COL5A2: variants seen among roughly 807,000 people sequenced by gnomAD.
The protein encoded by COL5A2 is collagen type V alpha 2 chain, also known as collagen alpha-2(V) chain.
A neutral mutation model predicts 208.2 loss-of-function variants in COL5A2; 23 were observed. The ratio of observed to expected loss-of-function variants is 0.11; its 90% confidence interval spans 0.08 to 0.16. COL5A2 has a LOEUF of 0.16. Among genes scored for constraint, COL5A2 ranks in the 10% least tolerant of loss-of-function variants. The pLI is 1.00. For missense variants in COL5A2, 1,590 were observed against 1,956.4 expected, an observed-to-expected ratio of 0.81 and a Z score of 3.53; for synonymous variants, 625 against 628.5, an observed-to-expected ratio of 0.99 and a Z score of 0.08.
the COL5A2 span, among the ~76,000 whole-genome samples, chr2:189,263,302 A>G: frequency 2.0e-5 from 3 of 152,166 alleles, no homozygotes; most frequent in Non-Finnish European, 4.4e-5. Context: ...TATTGGATGT[A>G]AGGTGGGACA....
chr2:189,044,871 T>C (rs1685630654), intron 47 of COL5A2, among the ~76,000 whole-genome samples: 1 of 152,198 alleles, frequency 6.6e-6, no homozygotes, highest in Admixed American at 6.5e-5. Context: ...TTTTCCTATG[T>C]AGTTTTTAGA....
At chr2:189,431,378 A>G in the COL5A2 span, among the ~76,000 whole-genome samples, 1 of 152,204 alleles carries the variant, frequency 6.6e-6, no homozygotes, top group African/African-American at 2.4e-5. Flanking sequence ...TCAGGAGGTC[A>G]GTAATAACAC....
At chr2:189,213,172 G>A (rs983216672) in intron 1 of COL5A2, among the ~76,000 whole-genome samples, 1 of 152,024 alleles carries the variant, frequency 6.6e-6, no homozygotes, top group African/African-American at 2.4e-5. Flanking sequence ...TTACAGGCAT[G>A]AGTCACCACG....
the COL5A2 span, among the ~76,000 whole-genome samples, chr2:189,291,618 C>T: frequency 6.6e-6 from 1 of 151,974 alleles, no homozygotes; most frequent in Non-Finnish European, 1.5e-5. Context: ...GGCAGAAGTA[C>T]TTCAGACATA....
At chr2:189,034,308 A>G in intron 53 of COL5A2, 92 bp from the exon 54 acceptor site, 1 of 1,379,310 alleles carries the variant, frequency 7.3e-7, no homozygotes, top group Non-Finnish European at 1.0e-6. Context: ...TATAATGTAA[A>G]GGCAATGATT....
chr2:189,399,219 A>G, the COL5A2 span, among the ~76,000 whole-genome samples: 1 of 149,516 alleles, frequency 6.7e-6, no homozygotes, highest in African/African-American at 2.4e-5. Context: ...AAATTCTTTC[A>G]GTCTTTGTTT....
rs1686086865 is a variant in COL5A2, at chr2:189,063,865, T to G, written c.1770+115A>C. The G allele has an allele frequency of 6.1e-6, 5 of 823,106 alleles. No homozygotes were observed. In the Admixed American group the frequency reaches 8.9e-5, roughly 15 times the overall value. 51.0% of individuals were successfully genotyped at this position (823,106 alleles called of 1,614,324 possible). A position where few individuals can be genotyped will look rare whatever the true frequency, so the allele number is the denominator to read the frequency against. ...ATGCTTCCAGAAGTTGGTACAAATA[T>G]GTCAATATGACCAGCATCCATATAA... On this transcript the variant is annotated intron_variant, in intron 26 of 53. Coordinates refer to ENST00000374866, the MANE Select transcript of COL5A2 (RefSeq NM_000393.5).
the COL5A2 span, among the ~76,000 whole-genome samples, chr2:189,402,311 T>C: frequency 1.3e-5 from 2 of 151,230 alleles, no homozygotes; most frequent in Admixed American, 6.6e-5. Context: ...TCCGACTCCC[T>C]GGTTCAAGTG....
chr2:189,425,641 C>T, the COL5A2 span, among the ~76,000 whole-genome samples: 2 of 152,172 alleles, frequency 1.3e-5, no homozygotes, highest in Non-Finnish European at 2.9e-5. Context: ...TCTGTCCCCA[C>T]CCCAATCTTA....
chr2:189,252,509 G>A, the COL5A2 span, among the ~76,000 whole-genome samples: 1 of 151,904 alleles, frequency 6.6e-6, no homozygotes, highest in Non-Finnish European at 1.5e-5. Context: ...ACTATCGCAA[G>A]GACAAAAAAA....
the COL5A2 span, among the ~76,000 whole-genome samples, chr2:189,417,398 A>C: frequency 6.6e-6 from 1 of 151,454 alleles, no homozygotes; most frequent in African/African-American, 2.4e-5. Flanking sequence ...AGTGACTGTG[A>C]CATGTTTTGA....
chr2:189,049,468 A>G lies in COL5A2; in HGVS notation c.3040-14T>C, dbSNP rs1685737852. The G allele has an allele frequency of 1.9e-6, 3 of 1,594,294 alleles. No homozygotes were observed. The highest frequency in any genetic ancestry group is 1.7e-5 in the Admixed American group (1 of 59,598). On this transcript the variant is annotated splice_polypyrimidine_tract_variant and intron_variant, in intron 43 of 53. Transcript: ENST00000374866. ...TCCTGGTGTTCCCTGAAATAGAAGTATAAATGTCAAACACTTGTGAAGAAA... is the reference window on the plus strand; with the variant it reads ...TCCTGGTGTTCCCTGAAATAGAAGTGTAAATGTCAAACACTTGTGAAGAAA...
intron 1 of COL5A2, among the ~76,000 whole-genome samples, chr2:189,175,177 AC>A (rs1380245786): frequency 3.3e-5 from 5 of 152,050 alleles, no homozygotes; most frequent in Admixed American, 6.5e-5. Flanking sequence ...TGCCAGCACC[AC>A]CCAGGTAAGG....
intron 2 of COL5A2, among the ~76,000 whole-genome samples, chr2:189,108,276 C>T (rs1351117839): frequency 6.6e-6 from 1 of 151,784 alleles, no homozygotes; most frequent in Non-Finnish European, 1.5e-5. Context: ...GGTTGCCTTG[C>T]ATTTAGCCGA....
chr2:189,227,514 G>T (rs190009287), upstream of COL5A2, among the ~76,000 whole-genome samples: 6 of 151,976 alleles, frequency 3.9e-5, no homozygotes, highest in East Asian at 1.2e-3. Flanking sequence ...AATAACAAAA[G>T]AATGGAAAAA....
At position 189,050,655 on chromosome 2, in the gene COL5A2, G is replaced by C; in HGVS notation, c.2953C>G (p.Pro985Ala). Residue 985 changes from proline (P) to alanine (A), a missense_variant, in exon 43 of 54, where the codon CCA becomes GCA. Pro to Ala is a conservative substitution (Grantham distance 27). Transcript: ENST00000374866. ...CCTCTCTGCCCGGTCGTTCCAGCTG[G>C]ACCAGGGGGGCCATCTGGACCCTAA... The part of the protein sequence containing the change: ...GQPGPDGPPG[P>A]AGTTGQRGIV... The C allele has an allele frequency of 6.4e-7, 1 of 1,552,364 alleles. No homozygotes were observed. Among genetic ancestry groups the C allele is most frequent in the South Asian group, 1.2e-5 (1 of 84,066 alleles).
chr2:189,082,408 C>T (rs910708513), intron 12 of COL5A2, among the ~76,000 whole-genome samples: 8 of 152,248 alleles, frequency 5.3e-5, no homozygotes, highest in Admixed American at 2.0e-4. Flanking sequence ...TACACAACCC[C>T]GCTCAAGAAT....
At chr2:189,311,454 G>A in the COL5A2 span, 4 of 1,124,070 alleles carry the variant, frequency 3.6e-6, no homozygotes, top group South Asian at 5.1e-5. Flanking sequence ...TCGATGTTCA[G>A]CAGGGCCTCC....
intron 7 of COL5A2, 59 bp downstream of exon 7, chr2:189,092,251 A>C: frequency 9.4e-7 from 1 of 1,068,142 alleles, no homozygotes; most frequent in Non-Finnish European, 1.4e-6. Context: ...AATCCTAACA[A>C]TATATCAATA....
Sources: gnomAD v4.1 joint callset for allele counts (sites outside exome capture counted in the v4.1 genomes callset) on GRCh38, gnomAD v4.1.1 for gene constraint, MANE v1.5 for transcripts, NCBI Gene and HGNC (gene_info 2026-07-23, HGNC 2026-07-21) for gene names.